SPATS2L: variants seen among roughly 807,000 people sequenced by gnomAD.
The protein encoded by SPATS2L is SPATS2-like protein.
In SPATS2L, 30 loss-of-function variants were observed where a neutral mutation model predicts 59.6. The ratio of observed to expected loss-of-function variants is 0.50; its 90% CI spans 0.38 to 0.68. The LOEUF is 0.68. SPATS2L is among the 30% of genes least tolerant of loss of function. The probability of loss-of-function intolerance (pLI) is 0.00; values close to 1 mark genes in which losing one functional copy is unlikely to be tolerated. For missense variants in SPATS2L, 615 were observed against 700.0 expected (o/e 0.88, Z 1.37); for synonymous variants, 252 against 263.5 (o/e 0.96, Z 0.42).
intron 2 of SPATS2L, among the ~76,000 whole-genome samples, chr2:200,340,578 G>C (rs1443260131): frequency 6.6e-6 from 1 of 152,094 alleles, no homozygotes. Context: ...CATGGAGGGG[G>C]TGCAGCAGGA....
At chr2:200,321,861 AG>A (rs2079569360) in intron 1 of SPATS2L, among the ~76,000 whole-genome samples, 1 of 152,204 alleles carries the variant, frequency 6.6e-6, no homozygotes, top group Non-Finnish European at 1.5e-5. Flanking sequence ...CCCATTTTTC[AG>A]ATGACAGAGC....
At chr2:200,387,132 C>CT (rs2082016897) in intron 2 of SPATS2L, among the ~76,000 whole-genome samples, 2 of 152,204 alleles carry the variant, frequency 1.3e-5, no homozygotes, top group South Asian at 4.1e-4. Flanking sequence ...AAACGAGTAA[C>CT]TTTCAGGGTC....
At chr2:200,412,235 T>C in intron 3 of SPATS2L, 76 bp from the exon 4 acceptor site, 1 of 847,612 alleles carries the variant, frequency 1.2e-6, no homozygotes, top group South Asian at 2.2e-5. Context: ...TGTAATTCTA[T>C]CCAGTGGGCA....
chr2:200,312,177 TC>T (rs1388607715), intron 1 of SPATS2L, among the ~76,000 whole-genome samples: 1 of 152,164 alleles, frequency 6.6e-6, no homozygotes. Flanking sequence ...ACCAGTGTGT[TC>T]CTGGATAGCA....
intron 3 of SPATS2L, chr2:200,389,938 G>A (rs1345750610): frequency 6.6e-6 from 1 of 152,216 alleles, no homozygotes; most frequent in Non-Finnish European, 1.5e-5. Flanking sequence ...AGCTCTTAAG[G>A]ATCATAAACC....
chr2:200,418,581 T>TAATAAATA (rs146482107), intron 5 of SPATS2L, among the ~76,000 whole-genome samples: 16,709 of 145,212 alleles, frequency 0.12, 1,053 homozygotes, highest in Non-Finnish European at 0.14. Flanking sequence ...CCTTATTAAA[T>TAATAAATA]AATAAATAAA....
chr2:200,357,958 T>G (rs2080970920), intron 2 of SPATS2L, among the ~76,000 whole-genome samples: 1 of 152,178 alleles, frequency 6.6e-6, no homozygotes, highest in Non-Finnish European at 1.5e-5. Flanking sequence ...GAGACTTGCT[T>G]AACCACTGAG....
At chr2:200,447,326 A>T (rs2085115306) in intron 8 of SPATS2L, among the ~76,000 whole-genome samples, 1 of 152,250 alleles carries the variant, frequency 6.6e-6, no homozygotes, top group African/African-American at 2.4e-5. Context: ...ATACCCAGGT[A>T]TGCCAGCCAT....
intron 2 of SPATS2L, among the ~76,000 whole-genome samples, chr2:200,359,173 T>C (rs1238958078): frequency 6.6e-6 from 1 of 152,210 alleles, no homozygotes; most frequent in Non-Finnish European, 1.5e-5. Flanking sequence ...GAATCATTTC[T>C]AGGAGTATTT....
At chr2:200,461,417 G>T (rs1031330582) in intron 9 of SPATS2L, 2 of 152,092 alleles carry the variant, frequency 1.3e-5, no homozygotes, top group Admixed American at 1.3e-4. Flanking sequence ...TAGTAGAGAA[G>T]AATTACCATC....
At chr2:200,325,428 G>C (rs2079702972) in intron 1 of SPATS2L, among the ~76,000 whole-genome samples, 1 of 152,070 alleles carries the variant, frequency 6.6e-6, no homozygotes, top group South Asian at 2.1e-4. Flanking sequence ...ACCTAGGCTG[G>C]AGTGCAGTGG....
chr2:200,343,278 C>T (rs1200925251), intron 2 of SPATS2L, among the ~76,000 whole-genome samples: 1 of 152,120 alleles, frequency 6.6e-6, no homozygotes, highest in Non-Finnish European at 1.5e-5. Flanking sequence ...AAAGAAAGAG[C>T]CAAAATGGAA....
At chr2:200,322,386 GGAATTGTATGTTT>G (rs2079591865) in intron 1 of SPATS2L, among the ~76,000 whole-genome samples, 2 of 152,084 alleles carry the variant, frequency 1.3e-5, no homozygotes, top group South Asian at 4.1e-4. Context: ...TGCTGTCAAA[GGAATTGTATGTTT>G]CATTACTTGT....
At chr2:200,383,667 G>T (rs1002226405) in intron 2 of SPATS2L, among the ~76,000 whole-genome samples, 1 of 152,090 alleles carries the variant, frequency 6.6e-6, no homozygotes, top group African/African-American at 2.4e-5. Flanking sequence ...TAAGTCATAC[G>T]TCATGACATT....
intron 5 of SPATS2L, among the ~76,000 whole-genome samples, chr2:200,416,770 TA>T (rs1234582757): frequency 6.6e-6 from 1 of 152,016 alleles, no homozygotes; most frequent in African/African-American, 2.4e-5. Flanking sequence ...AGAAAAAAAT[TA>T]AGGAGTATTT....
At chr2:200,469,798 T>A in intron 10 of SPATS2L, 116 bp from the exon 11 acceptor site, 1 of 741,298 alleles carries the variant, frequency 1.3e-6, no homozygotes, top group Non-Finnish European at 2.2e-6. Flanking sequence ...GCTGGAAAGA[T>A]CCCCACCAGG....
intron 3 of SPATS2L, among the ~76,000 whole-genome samples, chr2:200,406,861 C>A (rs2082704974): frequency 6.6e-6 from 1 of 152,220 alleles, no homozygotes; most frequent in African/African-American, 2.4e-5. Flanking sequence ...GGGGGTAAAA[C>A]CATGTTAACC....
chr2:200,326,227 C>G (rs1353409779), intron 1 of SPATS2L, among the ~76,000 whole-genome samples: 1 of 152,196 alleles, frequency 6.6e-6, no homozygotes, highest in African/African-American at 2.4e-5. Flanking sequence ...CTTCTTGCCT[C>G]AGCCTCCCAG....
chr2:200,437,380 T>G (rs904384739), intron 6 of SPATS2L, among the ~76,000 whole-genome samples: 5 of 152,188 alleles, frequency 3.3e-5, no homozygotes, highest in East Asian at 3.8e-4. Context: ...TCTGGGTGGC[T>G]GGTACCACCC....
Sources: allele counts gnomAD v4.1 joint callset (sites outside exome capture counted in the v4.1 genomes callset), GRCh38; gene constraint gnomAD v4.1.1; transcripts MANE v1.5; gene names NCBI Gene and HGNC (gene_info 2026-07-23, HGNC 2026-07-21).